TTC19: variants seen among roughly 807,000 people sequenced by gnomAD.
TTC19 encodes the protein tetratricopeptide repeat domain 19.
In TTC19, 38 loss-of-function variants were observed where a neutral mutation model predicts 49.5. The observed-to-expected ratio is 0.77, with a 90% CI of 0.59 to 1.01. The LOEUF is 1.01. Ranked by LOEUF, TTC19 falls within the 50% of genes least tolerant of loss-of-function variation. TTC19 has a pLI of 0.00. For synonymous variants in TTC19, 204 were observed against 185.2 expected (o/e 1.10, Z -0.83); for missense variants, 475 against 477.7 (o/e 0.99, Z 0.05).
chr17:16,003,167 T>G (rs1017171877), intron 4 of TTC19, among the ~76,000 whole-genome samples: 3 of 152,172 alleles, frequency 2.0e-5, no homozygotes, highest in African/African-American at 7.2e-5. Flanking sequence ...TGATTAGAAG[T>G]TCACGTTCTT....
chr17:16,027,960 A>G lies in TTC19; in HGVS notation c.*438A>G, dbSNP rs1971634553. The G allele has an allele frequency of 2.2e-6, 1 of 454,352 alleles. No individual in the cohort carries two copies. Among genetic ancestry groups the G allele is most frequent in the Non-Finnish European group, 4.4e-6 (1 of 227,072 alleles). The allele number at this position is 454,352 out of a possible 1,614,324, so 28.1% of individuals were successfully genotyped here. On this transcript the variant is annotated 3_prime_UTR_variant, in exon 10 of 10. Coordinates refer to ENST00000261647, the MANE Select transcript of TTC19 (RefSeq NM_017775.4). Reference sequence around the variant, plus strand: ...CAAACTGACCAGAATTACCTTCCTCATGGCAAAGGGGGATTATGGTGAATT... The same window carrying G: ...CAAACTGACCAGAATTACCTTCCTCGTGGCAAAGGGGGATTATGGTGAATT...
At chr17:16,032,828 C>T (rs1270533223), downstream of TTC19, among the ~76,000 whole-genome samples, 1 of 152,186 alleles carries the variant, frequency 6.6e-6, no homozygotes, top group African/African-American at 2.4e-5. Flanking sequence ...GCTTTCTTAA[C>T]TCTTCAAGAG....
At chr17:16,034,817 A>T (rs1378012526) in intron 2 of TTC19, 11 of 1,613,944 alleles carry the variant, frequency 6.8e-6, no homozygotes, top group Non-Finnish European at 9.3e-6. Context: ...GCCTATGGTA[A>T]TCCCCTTCTG....
At chr17:16,041,635 G>A (rs906113994) in intron 2 of TTC19, among the ~76,000 whole-genome samples, 4 of 151,812 alleles carry the variant, frequency 2.6e-5, no homozygotes, top group African/African-American at 9.7e-5. Context: ...GGCTGGTCTC[G>A]AACTCCTGAC....
chr17:16,034,425 C>CA (rs1455889825), intron 2 of TTC19, among the ~76,000 whole-genome samples: 6 of 151,690 alleles, frequency 4.0e-5, no homozygotes, highest in Admixed American at 1.3e-4. Context: ...CTTGTCCCTA[C>CA]AAAAAATAAA....
intron 7 of TTC19, among the ~76,000 whole-genome samples, chr17:16,008,678 G>A (rs1257674566): frequency 6.6e-6 from 1 of 152,036 alleles, no homozygotes; most frequent in Non-Finnish European, 1.5e-5. Flanking sequence ...CACCACACTG[G>A]TCTTATTCTG....
intron 8 of TTC19, 86 bp from the exon 9 acceptor site, chr17:16,026,454 A>T: frequency 8.2e-7 from 1 of 1,216,744 alleles, no homozygotes; most frequent in East Asian, 2.4e-5. Context: ...ATGAAATCTT[A>T]TGTATTCAGA....
chr17:16,040,262 C>G lies in TTC19; in HGVS notation c.248-4241C>G, dbSNP rs779713525. On this transcript the variant is annotated intron_variant, in intron 2 of 2. Transcript: ENST00000470649. ...CATTTATCTTTTCAATAGGTATTTACTGGATCTCAGTTCCTTTCTGTGCTA... is the reference window on the plus strand; with the variant it reads ...CATTTATCTTTTCAATAGGTATTTAGTGGATCTCAGTTCCTTTCTGTGCTA... 7 of 691,658 alleles carry G rather than the reference C, an allele frequency of 1.0e-5. No individual in the cohort carries two copies. In the South Asian group the frequency reaches 1.1e-4, roughly 10 times the overall value. The allele number at this position is 691,658 out of a possible 1,614,324, so 42.8% of individuals were successfully genotyped here.
Position 16,026,622 on chromosome 17 carries a change from C to A in TTC19, c.914C>A (p.Ala305Glu), listed in dbSNP as rs1971571185. 6.2e-7 allele frequency: 1 copy of A among 1,614,134 alleles called. No individual in the cohort carries two copies. The highest frequency in any genetic ancestry group is 8.5e-7 in the Non-Finnish European group (1 of 1,179,966). ...FDEAYIYMQR[A>E]SDLARQINHP... is the part of the protein sequence containing the mutation. Reference sequence around the variant, plus strand: ...GAGGCCTATATTTATATGCAAAGGGCATCAGATCTGGCAAGACAGATAAAT... The same window carrying A: ...GAGGCCTATATTTATATGCAAAGGGAATCAGATCTGGCAAGACAGATAAAT... Residue 305 changes from alanine (A) to glutamate (E), a missense_variant, in exon 9 of 10, where the codon GCA (alanine) becomes GAA (glutamate). Ala to Glu is a moderately radical substitution (Grantham distance 107). Transcript: ENST00000261647.
At chr17:16,002,565 T>C in intron 3 of TTC19, 1 of 569,300 alleles carries the variant, frequency 1.8e-6, no homozygotes, top group South Asian at 2.1e-5. Flanking sequence ...GTTTTTTTAA[T>C]GATGAGTGGA....
intron 8 of TTC19, 139 bp downstream of exon 8, chr17:16,025,310 T>C: frequency 2.3e-6 from 2 of 881,270 alleles, no homozygotes; most frequent in Non-Finnish European, 3.6e-6. Context: ...CATTTTCTTA[T>C]CACCAGCACC....
intron 7 of TTC19, among the ~76,000 whole-genome samples, chr17:16,008,630 C>G (rs1368057416): frequency 6.6e-6 from 1 of 152,172 alleles, no homozygotes; most frequent in African/African-American, 2.4e-5. Context: ...CCACCTCTTC[C>G]ATGCCATCTG....
At chr17:16,032,268 G>A (rs2151752028), downstream of TTC19, 2 of 1,574,678 alleles carry the variant, frequency 1.3e-6, no homozygotes, top group African/African-American at 1.4e-5. Context: ...TCCCTCTCCT[G>A]CACCCTGTTC....
intron 2 of TTC19, among the ~76,000 whole-genome samples, chr17:16,043,855 G>A (rs146360620): frequency 2.2e-4 from 33 of 152,334 alleles, no homozygotes; most frequent in African/African-American, 7.7e-4. Context: ...ACTGGAGACA[G>A]AAAATAGTAA....
rs1244444123 is a variant in TTC19 at position 16,026,551 on chromosome 17, G to C, written c.843G>C (p.Leu281=). ...TCTTTTACATACAGACCATTGTGCT[G>C]ATGAGTGACCTGGCTACTACCCTGG... ...QGERHPQTIV[L]MSDLATTLDA... Residue 281 remains leucine (L), a synonymous_variant, in exon 9 of 10, where the codon CTG becomes CTC. Transcript: ENST00000261647. 2 of 1,614,114 alleles carry C rather than the reference G, an allele frequency of 1.2e-6. No individual in the cohort carries two copies. The highest frequency in any genetic ancestry group is 3.3e-5 in the Admixed American group (2 of 60,016).
chr17:16,002,750 C>A, intron 3 of TTC19, 43 bp from the exon 4 acceptor site: 1 of 1,581,624 alleles, frequency 6.3e-7, no homozygotes, highest in Non-Finnish European at 8.7e-7. Context: ...TAAGTAGGAA[C>A]ACAGTATTCT....
chr17:16,026,446 G>A (rs1365855222), intron 8 of TTC19, 94 bp from the exon 9 acceptor site: 2 of 1,170,728 alleles, frequency 1.7e-6, no homozygotes, highest in Non-Finnish European at 2.4e-6. Flanking sequence ...TAGGAAAGAT[G>A]AAATCTTATG....
chr17:16,025,135 G>A lies in TTC19; in HGVS notation c.795G>A (p.Gln265=). Residue 265 remains glutamine, a synonymous_variant, in exon 8 of 10, where the codon CAG becomes CAA. Transcript: ENST00000261647. ...AAAGGATGTATGAAAAAGCTCTGCA[G>A]ATTTCTGAAGAAATACAAGGAGAAA... The part of the protein sequence containing the change: ...QAQRMYEKAL[Q]ISEEIQGERH... 6.2e-7 allele frequency: 1 copy of A among 1,614,006 alleles called. No individual in the cohort carries two copies. The highest frequency in any genetic ancestry group is 8.5e-7 in the Non-Finnish European group (1 of 1,179,912).
In TTC19 at chr17:16,028,046, TATC is replaced by T; in HGVS notation, c.*525_*527del. On this transcript the variant is annotated 3_prime_UTR_variant, in exon 10 of 10. Coordinates refer to ENST00000261647, the MANE Select transcript of TTC19 (RefSeq NM_017775.4). ...GAATTTAATACATAAAAGAGAAAAA[TATC>T]TTAGTTTGCTACCAGCATCCAGCAT... The T allele has an allele frequency of 2.2e-6, 1 of 454,034 alleles. No individual in the cohort carries two copies. The highest frequency in any genetic ancestry group is 4.4e-6 in the Non-Finnish European group (1 of 226,776). The allele number at this position is 454,034 out of a possible 1,614,324, so 28.1% of individuals were successfully genotyped here.
Sources: allele counts gnomAD v4.1 joint callset (sites outside exome capture counted in the v4.1 genomes callset), GRCh38; gene constraint gnomAD v4.1.1; transcripts MANE v1.5; gene names NCBI Gene and HGNC (gene_info 2026-07-23, HGNC 2026-07-21).